The following DAB1 variants were observed in gnomAD, a reference collection of about 807,000 sequenced individuals.
DAB1 encodes disabled homolog 1.
DAB1 carries 15 observed loss-of-function variants against 64.6 expected under a neutral mutation model. The ratio of observed to expected loss-of-function variants is 0.23; its 90% confidence interval spans 0.16 to 0.36. The LOEUF (loss-of-function observed/expected upper bound fraction) is 0.36. Among genes scored for constraint, DAB1 ranks in the 10% least tolerant of loss-of-function variants. The pLI, the probability that DAB1 is intolerant of heterozygous loss-of-function variation, is 1.00. For missense variants in DAB1, 596 were observed against 706.7 expected (o/e 0.84, Z 1.78); for synonymous variants, 235 against 251.9 (o/e 0.93, Z 0.64).
At chr1:57,978,661 T>C (rs1463513186) in intron 5 of DAB1, among the ~76,000 whole-genome samples, 2 of 152,160 alleles carry the variant, frequency 1.3e-5, no homozygotes, top group African/African-American at 4.8e-5. Context: ...TTTTGCAATC[T>C]ATCCATCTGA....
At chr1:57,884,810 T>C (rs1644198660), upstream of DAB1, among the ~76,000 whole-genome samples, 1 of 152,170 alleles carries the variant, frequency 6.6e-6, no homozygotes, top group Admixed American at 6.5e-5. Flanking sequence ...GGTGCCATCC[T>C]CACAGTAATG....
At position 57,389,102 on chromosome 1, in the gene DAB1, C is replaced by T. The variant is rs546918791; in HGVS notation, c.-137+34828G>A. 5.9e-5 allele frequency among the ~76,000 whole-genome samples: 9 copies of T among 152,322 alleles called. 1 individual carries two copies. In the East Asian group the frequency reaches 1.2e-3, roughly 20 times the overall value. On this transcript the variant is annotated intron_variant, in intron 1 of 14. Transcript: ENST00000371236. ...CAGGAGACATGGGTGGAACCTTGTC[C>T]TATGCACCCCCAAACACAGCCTCTA...
At chr1:57,435,077 C>A (rs1685647582) in intron 7 of DAB1, among the ~76,000 whole-genome samples, 1 of 119,676 alleles carries the variant, frequency 8.4e-6, no homozygotes, top group Non-Finnish European at 1.6e-5. Flanking sequence ...GAGAGAGAGT[C>A]TCGCTCTGTC....
At chr1:57,782,169 C>T (rs144035213) in intron 6 of DAB1, among the ~76,000 whole-genome samples, 6 of 139,118 alleles carry the variant, frequency 4.3e-5, no homozygotes, top group East Asian at 2.1e-4. Context: ...ATAATTATTT[C>T]GAGGTACGCT....
At chr1:57,065,491 C>A (rs2100576937) in intron 8 of DAB1, among the ~76,000 whole-genome samples, 1 of 152,248 alleles carries the variant, frequency 6.6e-6, no homozygotes, top group East Asian at 1.9e-4. Context: ...CACATTGTAA[C>A]TGTTCCAGGG....
chr1:57,763,016 G>C (rs886288470), intron 6 of DAB1, among the ~76,000 whole-genome samples: 6 of 152,208 alleles, frequency 3.9e-5, no homozygotes, highest in African/African-American at 9.6e-5. Context: ...AGGGATGAAA[G>C]AGAAGATAGA....
In DAB1 at chr1:57,835,874, G is replaced by T. The variant is rs112934586; in HGVS notation, n.88-9419C>A. The stretch of plus-strand genomic sequence containing the variant: ...GGAACACACCAGGAGAACTGCTTAG[G>T]TCACCAATGCCCCATGACGTTCATT... On this transcript the variant is annotated intron_variant and non_coding_transcript_variant, in intron 1 of 1. Transcript: ENST00000477280. 7.4e-3 allele frequency among the ~76,000 whole-genome samples: 1,128 copies of T among 152,226 alleles called. 15 individuals carry two copies. The highest frequency in any genetic ancestry group is 0.025 in the African/African-American group (1,050 of 41,536).
chr1:57,990,016 G>A (rs1352704772), intron 5 of DAB1, among the ~76,000 whole-genome samples: 4 of 151,938 alleles, frequency 2.6e-5, no homozygotes, highest in African/African-American at 9.7e-5. Context: ...TGTCATTTGC[G>A]AGCCTGACCT....
At chr1:58,533,972 T>C (rs1646477067) in intron 1 of DAB1, 1 of 872,178 alleles carries the variant, frequency 1.1e-6, no homozygotes, top group Admixed American at 1.7e-5. Flanking sequence ...AAGTACTGCA[T>C]GTGCTATTTC....
chr1:58,344,935 CCT>C (rs1473319294), intron 3 of DAB1, among the ~76,000 whole-genome samples: 3 of 152,134 alleles, frequency 2.0e-5, no homozygotes, highest in Non-Finnish European at 2.9e-5. Context: ...GGTCTTTCAG[CCT>C]CTCTGTTATA....
intron 3 of DAB1, among the ~76,000 whole-genome samples, chr1:58,343,959 C>T (rs1055376079): frequency 6.6e-6 from 1 of 152,164 alleles, no homozygotes; most frequent in Non-Finnish European, 1.5e-5. Context: ...TGCAGACCTT[C>T]AGTACTTGTC....
intron 5 of DAB1, among the ~76,000 whole-genome samples, chr1:58,044,743 A>G (rs12733735): frequency 8.8e-4 from 134 of 152,220 alleles, no homozygotes; most frequent in Non-Finnish European, 1.6e-3. Context: ...GATTAGGGAT[A>G]AGAGTAATAT....
At chr1:58,034,065 G>C (rs1260255195) in intron 5 of DAB1, among the ~76,000 whole-genome samples, 3 of 152,280 alleles carry the variant, frequency 2.0e-5, no homozygotes, top group South Asian at 4.1e-4. Context: ...CTAACAAATA[G>C]AATACAGCAA....
intron 7 of DAB1, among the ~76,000 whole-genome samples, chr1:57,495,602 T>C (rs1026665232): frequency 1.3e-5 from 2 of 152,196 alleles, no homozygotes; most frequent in Admixed American, 6.5e-5. Flanking sequence ...GATTGTAAGA[T>C]GTCAGCAACT....
chr1:57,820,496 C>T lies in DAB1; in HGVS notation n.551+63503G>A, dbSNP rs1242956793. Among the ~76,000 whole-genome samples the T allele has an allele frequency of 7.2e-5, 11 of 152,126 alleles. No individual in the cohort carries two copies. In the South Asian group the frequency reaches 8.3e-4, roughly 11 times the overall value. On this transcript the variant is annotated intron_variant and non_coding_transcript_variant, in intron 6 of 20. Transcript: ENST00000485760. ...ACTTTCTTTTACATCATAGCTATTT[C>T]GAAGTCCCATCATGCTGGTGCCTAA...
At chr1:58,063,254 A>C (rs576500737) in intron 5 of DAB1, among the ~76,000 whole-genome samples, 1 of 152,366 alleles carries the variant, frequency 6.6e-6, no homozygotes, top group Admixed American at 6.5e-5. Context: ...CAGAATGTTA[A>C]AATGGCCTTG....
chr1:58,257,042 T>C (rs961821317), intron 4 of DAB1, among the ~76,000 whole-genome samples: 9 of 152,244 alleles, frequency 5.9e-5, no homozygotes, highest in African/African-American at 2.2e-4. Context: ...AGCTCATTCA[T>C]TCATGCAATA....
chr1:58,513,564 A>G (rs1390423032), intron 2 of DAB1, among the ~76,000 whole-genome samples: 4 of 152,222 alleles, frequency 2.6e-5, no homozygotes, highest in African/African-American at 4.8e-5. Context: ...CCAGAGAAAC[A>G]TAAGAAAATA....
At chr1:58,225,205 G>C (rs1659399839) in intron 4 of DAB1, among the ~76,000 whole-genome samples, 2 of 151,844 alleles carry the variant, frequency 1.3e-5, no homozygotes, top group Non-Finnish European at 3.0e-5. Flanking sequence ...AAAGACACAT[G>C]AAAAAATGCT....
Sources: allele counts gnomAD v4.1 joint callset (sites outside exome capture counted in the v4.1 genomes callset), GRCh38; gene constraint gnomAD v4.1.1; transcripts MANE v1.5; gene names NCBI Gene and HGNC (gene_info 2026-07-23, HGNC 2026-07-21).